Variants in NDUFA5 observed in about 807,000 individuals in gnomAD.
NDUFA5 encodes NADH dehydrogenase [ubiquinone] 1 alpha subcomplex subunit 5.
NDUFA5 carries 11 observed loss-of-function variants against 19.8 expected under a neutral mutation model. The observed-to-expected ratio is 0.56, with a 90% CI of 0.35 to 0.92. The LOEUF (loss-of-function observed/expected upper bound fraction) is 0.92, where lower values mean the gene tolerates loss of function less well. Ranked by LOEUF, NDUFA5 falls within the 40% of genes least tolerant of loss-of-function variation. The probability of loss-of-function intolerance (pLI) is 0.01; values close to 1 mark genes in which losing one functional copy is unlikely to be tolerated. For missense variants in NDUFA5, 109 were observed against 134.2 expected (o/e 0.81, Z 0.93); for synonymous variants, 47 against 46.8 (o/e 1.00, Z -0.01).
the NDUFA5 span, among the ~76,000 whole-genome samples, chr7:123,595,656 C>G: frequency 1.3e-5 from 2 of 152,206 alleles, no homozygotes; most frequent in African/African-American, 4.8e-5. Context: ...AGCATAATAC[C>G]TGGCATTGCA....
the NDUFA5 span, chr7:123,584,769 A>G: frequency 3.9e-5 from 6 of 152,014 alleles, no homozygotes; most frequent in African/African-American, 1.4e-4. Context: ...CTATTGAAGA[A>G]TAAATATGTC....
chr7:123,542,693 A>T (rs1289998477), intron 4 of NDUFA5, among the ~76,000 whole-genome samples: 1 of 152,136 alleles, frequency 6.6e-6, no homozygotes, highest in Non-Finnish European at 1.5e-5. Flanking sequence ...TTTTTAAGCT[A>T]ATCACTATCC....
chr7:123,567,073 T>C, the NDUFA5 span: 1 of 152,356 alleles, frequency 6.6e-6, no homozygotes, highest in Admixed American at 6.5e-5. Flanking sequence ...GATAGAGCTA[T>C]TTGATCCTGA....
At chr7:123,591,701 C>T in the NDUFA5 span, among the ~76,000 whole-genome samples, 1 of 152,100 alleles carries the variant, frequency 6.6e-6, no homozygotes, top group East Asian at 1.9e-4. Flanking sequence ...TTCGGTTTGC[C>T]AGTGTTTTAC....
chr7:123,556,948 GA>G (rs2116207449), intron 2 of NDUFA5: 1 of 466,432 alleles, frequency 2.1e-6, no homozygotes, highest in East Asian at 5.9e-5. Flanking sequence ...GGGACAAGAA[GA>G]ATAAAAAAAT....
chr7:123,546,004 A>G (rs1798119308), intron 3 of NDUFA5, among the ~76,000 whole-genome samples: 1 of 152,124 alleles, frequency 6.6e-6, no homozygotes, highest in Admixed American at 6.5e-5. Context: ...CATTAGAATT[A>G]GAAATAAATG....
chr7:123,582,067 G>A, the NDUFA5 span, among the ~76,000 whole-genome samples: 1 of 151,922 alleles, frequency 6.6e-6, no homozygotes, highest in Non-Finnish European at 1.5e-5. Flanking sequence ...CATCTATATT[G>A]TAATGGTAAA....
At chr7:123,578,781 A>G in the NDUFA5 span, among the ~76,000 whole-genome samples, 207 of 152,280 alleles carry the variant, frequency 1.4e-3, 1 homozygote, top group African/African-American at 4.7e-3. Flanking sequence ...CTACTGAATC[A>G]TTGCTATCTT....
At position 123,537,748 on chromosome 7, in the gene NDUFA5, G is replaced by A. The variant is rs191334270; in HGVS notation, c.*4371C>T. The A allele has an allele frequency of 4.5e-4, 68 of 151,964 alleles. 2 individuals carry two copies. The East Asian group carries it at 0.01, about 23-fold the overall frequency. 9.4% of individuals were successfully genotyped at this position (151,964 alleles called of 1,614,324 possible). ...TTTTTGAAATTAGGAATTTAGATAA[G>A]GGACTTTGGACCTGTTTTACTCTGG... On this transcript the variant is annotated 3_prime_UTR_variant, in exon 5 of 5. Transcript: ENST00000355749.
the NDUFA5 span, among the ~76,000 whole-genome samples, chr7:123,585,789 C>G: frequency 6.6e-6 from 1 of 151,650 alleles, no homozygotes. Flanking sequence ...TCTATGAATT[C>G]AACGTTTTTA....
At chr7:123,552,874 A>G (rs1437330905) in intron 2 of NDUFA5, among the ~76,000 whole-genome samples, 3 of 152,114 alleles carry the variant, frequency 2.0e-5, no homozygotes, top group Non-Finnish European at 4.4e-5. Flanking sequence ...AGCCCACAGC[A>G]CAAGCACCAT....
the NDUFA5 span, among the ~76,000 whole-genome samples, chr7:123,565,527 T>C: frequency 2.0e-5 from 3 of 152,298 alleles, no homozygotes; most frequent in East Asian, 1.9e-4. Context: ...TGGGGAACCA[T>C]AATACAAATT....
the NDUFA5 span, among the ~76,000 whole-genome samples, chr7:123,568,111 G>A: frequency 6.6e-6 from 1 of 152,168 alleles, no homozygotes; most frequent in Non-Finnish European, 1.5e-5. Context: ...GTGGCTATCT[G>A]CTTCTGTACA....
chr7:123,580,645 A>G, the NDUFA5 span, among the ~76,000 whole-genome samples: 1 of 151,998 alleles, frequency 6.6e-6, no homozygotes, highest in Admixed American at 6.6e-5. Context: ...CATCTCTCCA[A>G]GTGAATGCAA....
chr7:123,593,107 T>A, the NDUFA5 span, among the ~76,000 whole-genome samples: 2 of 152,152 alleles, frequency 1.3e-5, no homozygotes, highest in Non-Finnish European at 2.9e-5. Context: ...GCTTTTTTTT[T>A]ACTTTCCATT....
At chr7:123,594,576 C>T in the NDUFA5 span, among the ~76,000 whole-genome samples, 550 of 152,276 alleles carry the variant, frequency 3.6e-3, 2 homozygotes, top group Non-Finnish European at 4.8e-3. Flanking sequence ...TGGAGGTCCA[C>T]TCCAGACCCT....
chr7:123,589,789 T>C, the NDUFA5 span, among the ~76,000 whole-genome samples: 1 of 152,294 alleles, frequency 6.6e-6, no homozygotes, highest in East Asian at 1.9e-4. Flanking sequence ...TATGTGTGCA[T>C]GTGTCTTTAT....
At chr7:123,566,079 T>C in the NDUFA5 span, among the ~76,000 whole-genome samples, 1 of 151,238 alleles carries the variant, frequency 6.6e-6, no homozygotes, top group Non-Finnish European at 1.5e-5. Flanking sequence ...GCAGATGTAA[T>C]CAAGTTAAGA....
chr7:123,596,374 G>C, the NDUFA5 span: 5 of 152,036 alleles, frequency 3.3e-5, no homozygotes, highest in South Asian at 1.0e-3. Flanking sequence ...CACTTTGAAG[G>C]GTGGGTAGAT....
Sources: gnomAD v4.1 joint callset for allele counts (sites outside exome capture counted in the v4.1 genomes callset) on GRCh38, gnomAD v4.1.1 for gene constraint, MANE v1.5 for transcripts, NCBI Gene and HGNC (gene_info 2026-07-23, HGNC 2026-07-21) for gene names.